The following UBE2D2 variants were observed in gnomAD, a reference collection of about 807,000 sequenced individuals.
UBE2D2 encodes ubiquitin-conjugating enzyme E2 D2.
In UBE2D2, 2 loss-of-function variants were observed where a neutral mutation model predicts 24.2. That is an observed-to-expected ratio of 0.08 (90% CI 0.03 to 0.26). UBE2D2 has a LOEUF of 0.26. UBE2D2 is among the 10% of genes least tolerant of loss of function. The pLI is 1.00. For missense variants in UBE2D2, 44 were observed against 177.6 expected (o/e 0.25, Z 4.28); for synonymous variants, 58 against 56.5 (o/e 1.03, Z -0.12).
chr5:139,595,221 A>T (rs1283070944), intron 1 of UBE2D2, among the ~76,000 whole-genome samples: 1 of 152,074 alleles, frequency 6.6e-6, no homozygotes, highest in African/African-American at 2.4e-5. Flanking sequence ...TTTGGGTATT[A>T]TTTTTTTCTG....
intron 1 of UBE2D2, chr5:139,562,076 T>C (rs1753112791): frequency 3.4e-6 from 3 of 877,020 alleles, no homozygotes; most frequent in Non-Finnish European, 5.0e-6. Flanking sequence ...TGTGGACTCT[T>C]AGGGCTTCTC....
intron 1 of UBE2D2, among the ~76,000 whole-genome samples, chr5:139,580,083 C>T (rs939466367): frequency 3.3e-5 from 5 of 151,576 alleles, no homozygotes; most frequent in East Asian, 1.9e-4. Context: ...AGATAAGGCT[C>T]ATGTCTGTAA....
intron 1 of UBE2D2, among the ~76,000 whole-genome samples, chr5:139,586,504 G>A (rs539631147): frequency 5.9e-5 from 9 of 152,116 alleles, no homozygotes; most frequent in East Asian, 3.9e-4. Flanking sequence ...AGTGGCTTAC[G>A]CCTGTAATCC....
chr5:139,594,442 C>T (rs573996882), intron 1 of UBE2D2, among the ~76,000 whole-genome samples: 2 of 151,934 alleles, frequency 1.3e-5, no homozygotes, highest in South Asian at 2.1e-4. Flanking sequence ...TTTTGAGACA[C>T]AGTCTCTATT....
chr5:139,532,834 C>T (rs888018545), intron 1 of UBE2D2, among the ~76,000 whole-genome samples: 4 of 151,646 alleles, frequency 2.6e-5, no homozygotes, highest in African/African-American at 4.8e-5. Flanking sequence ...CAGCCAGGCA[C>T]GGTGGCTCAC....
At chr5:139,549,289 C>T (rs1752873979) in intron 1 of UBE2D2, among the ~76,000 whole-genome samples, 1 of 152,204 alleles carries the variant, frequency 6.6e-6, no homozygotes, top group Non-Finnish European at 1.5e-5. Context: ...GGGAGCCCCT[C>T]TCTGGGCTAG....
At chr5:139,533,550 T>C (rs1202342236) in intron 1 of UBE2D2, among the ~76,000 whole-genome samples, 1 of 151,392 alleles carries the variant, frequency 6.6e-6, no homozygotes, top group East Asian at 2.0e-4. Context: ...CTCGGGAGGC[T>C]GAGGCAGGAG....
chr5:139,621,042 C>A (rs907049408), intron 5 of UBE2D2, among the ~76,000 whole-genome samples: 1 of 152,154 alleles, frequency 6.6e-6, no homozygotes, highest in South Asian at 2.1e-4. Flanking sequence ...CCTAGGAGAT[C>A]AAGACTAGCC....
chr5:139,526,941 A>G (rs757775189), intron 1 of UBE2D2, among the ~76,000 whole-genome samples: 1 of 151,942 alleles, frequency 6.6e-6, no homozygotes, highest in Non-Finnish European at 1.5e-5. Flanking sequence ...GTGTGTGTGT[A>G]CCCTCTTTAC....
At chr5:139,592,482 G>C (rs1753864512) in intron 1 of UBE2D2, among the ~76,000 whole-genome samples, 1 of 152,000 alleles carries the variant, frequency 6.6e-6, no homozygotes, top group Non-Finnish European at 1.5e-5. Context: ...TTGTGGGGTA[G>C]AGCCTGTGAA....
At chr5:139,572,612 C>T (rs568624752) in intron 1 of UBE2D2, among the ~76,000 whole-genome samples, 54 of 151,638 alleles carry the variant, frequency 3.6e-4, no homozygotes, top group African/African-American at 1.3e-3. Flanking sequence ...AAAAAATTGA[C>T]AGCACAAATT....
chr5:139,599,982 T>G (rs572838173), intron 1 of UBE2D2, among the ~76,000 whole-genome samples: 97 of 152,026 alleles, frequency 6.4e-4, no homozygotes, highest in African/African-American at 2.3e-3. Context: ...TTTTTCTATC[T>G]TCAGTAGAGA....
intron 1 of UBE2D2, among the ~76,000 whole-genome samples, chr5:139,573,968 C>CTAAATAAA (rs570547406): frequency 1.3e-5 from 2 of 151,238 alleles, no homozygotes; most frequent in Admixed American, 1.3e-4. Context: ...GAGACTGTCT[C>CTAAATAAA]TAAATAAATA....
chr5:139,588,515 G>A (rs1048960338), intron 1 of UBE2D2, among the ~76,000 whole-genome samples: 3 of 152,070 alleles, frequency 2.0e-5, no homozygotes, highest in East Asian at 1.9e-4. Context: ...TACTTTCTGG[G>A]TTGTGATAGT....
At chr5:139,625,404 C>T (rs1335813873) in intron 6 of UBE2D2, among the ~76,000 whole-genome samples, 15 of 140,612 alleles carry the variant, frequency 1.1e-4, no homozygotes, top group African/African-American at 2.9e-4. Flanking sequence ...CATGAGTTAC[C>T]GTGCAAGGCC....
chr5:139,622,618 A>G (rs1213006833), intron 5 of UBE2D2, among the ~76,000 whole-genome samples: 2 of 147,492 alleles, frequency 1.4e-5, no homozygotes, highest in African/African-American at 2.5e-5. Flanking sequence ...GGCTGGGTGC[A>G]GTGGCTCACG....
intron 2 of UBE2D2, among the ~76,000 whole-genome samples, chr5:139,606,000 C>T (rs1420844691): frequency 6.6e-6 from 1 of 152,134 alleles, no homozygotes; most frequent in Admixed American, 6.6e-5. Context: ...GCCTCTGCCT[C>T]CCAAAGCCCT....
At chr5:139,548,530 C>T (rs1297158577) in intron 1 of UBE2D2, among the ~76,000 whole-genome samples, 1 of 152,118 alleles carries the variant, frequency 6.6e-6, no homozygotes, top group Non-Finnish European at 1.5e-5. Context: ...TTCACAAGGA[C>T]TGAGCTTGTA....
At chr5:139,566,485 G>A (rs1001134734) in intron 1 of UBE2D2, among the ~76,000 whole-genome samples, 43 of 152,110 alleles carry the variant, frequency 2.8e-4, no homozygotes, top group African/African-American at 9.9e-4. Context: ...ACCAGCCTGA[G>A]CAACATGACG....
Sources: allele counts gnomAD v4.1 joint callset (sites outside exome capture counted in the v4.1 genomes callset), GRCh38; gene constraint gnomAD v4.1.1; transcripts MANE v1.5; gene names NCBI Gene and HGNC (gene_info 2026-07-23, HGNC 2026-07-21).